GRIA4: variants seen among roughly 807,000 people sequenced by gnomAD.
GRIA4 encodes the protein glutamate ionotropic receptor AMPA type subunit 4.
Under a neutral mutation model 104.0 loss-of-function variants are expected in GRIA4, and 34 were observed. That is an observed-to-expected ratio of 0.33 (90% CI 0.25 to 0.44). The LOEUF is 0.44. GRIA4 is among the 20% of genes least tolerant of loss of function. GRIA4 has a pLI of 1.00. For missense variants in GRIA4, 750 were observed against 1,096.5 expected (o/e 0.68, Z 4.46); for synonymous variants, 386 against 381.9 (o/e 1.01, Z -0.13).
At chr11:105,642,600 C>A (rs1377420211) in intron 3 of GRIA4, among the ~76,000 whole-genome samples, 1 of 144,602 alleles carries the variant, frequency 6.9e-6, no homozygotes, top group African/African-American at 2.6e-5. Context: ...CACTCATCTA[C>A]CCACCAAAGT....
rs1946051914 is a variant in GRIA4 at position 105,881,382 on chromosome 11, G to A, written c.673-6137G>A. ...GTGCTGGCAGTTGGAAGGTGAGCAA[G>A]TATGCATTGACATGACAAGGAAACA... On this transcript the variant is annotated intron_variant, in intron 5 of 16. Coordinates refer to ENST00000282499, the MANE Select transcript of GRIA4 (RefSeq NM_000829.4). 2.6e-5 allele frequency among the ~76,000 whole-genome samples: 4 copies of A among 152,318 alleles called. No individual in the cohort carries two copies. In the South Asian group the frequency reaches 6.2e-4, roughly 24 times the overall value.
intron 10 of GRIA4, among the ~76,000 whole-genome samples, chr11:105,917,458 C>T (rs1836351606): frequency 4.6e-5 from 7 of 152,120 alleles, no homozygotes; most frequent in Admixed American, 4.6e-4. Context: ...TGTAGGTTGC[C>T]ATGTTATTCA....
intron 4 of GRIA4, among the ~76,000 whole-genome samples, chr11:105,825,565 G>A (rs948391816): frequency 1.4e-4 from 21 of 152,146 alleles, no homozygotes; most frequent in African/African-American, 4.8e-4. Flanking sequence ...AGGCTTCTAT[G>A]CCTCAGATAT....
At chr11:105,840,313 A>T (rs1188323735) in intron 4 of GRIA4, among the ~76,000 whole-genome samples, 1 of 152,192 alleles carries the variant, frequency 6.6e-6, no homozygotes, top group African/African-American at 2.4e-5. Flanking sequence ...CACTGATGCT[A>T]TATAAAATCT....
At chr11:105,667,643 T>TGTAAA in intron 3 of GRIA4, among the ~76,000 whole-genome samples, 1 of 152,096 alleles carries the variant, frequency 6.6e-6, no homozygotes, top group East Asian at 1.9e-4. Flanking sequence ...TGATCAGCAA[T>TGTAAA]TTGTGTCCCT....
At chr11:105,615,137 G>A (rs1950568985) in intron 3 of GRIA4, among the ~76,000 whole-genome samples, 1 of 151,728 alleles carries the variant, frequency 6.6e-6, no homozygotes, top group African/African-American at 2.4e-5. Flanking sequence ...CTGTGAATAA[G>A]GGCCATTAAA....
At chr11:105,975,612 A>C (rs1858940594) in intron 16 of GRIA4, among the ~76,000 whole-genome samples, 2 of 152,096 alleles carry the variant, frequency 1.3e-5, no homozygotes, top group African/African-American at 4.8e-5. Flanking sequence ...ATAATAGCTA[A>C]GTGAATAGGC....
chr11:105,898,930 G>A (rs183020347), intron 7 of GRIA4, among the ~76,000 whole-genome samples: 124 of 152,224 alleles, frequency 8.1e-4, no homozygotes, highest in Admixed American at 2.2e-3. Context: ...GAAAAAGCTG[G>A]TAAATTTCTG....
At chr11:105,761,799 GT>G (rs1351897472) in intron 4 of GRIA4, among the ~76,000 whole-genome samples, 1 of 152,054 alleles carries the variant, frequency 6.6e-6, no homozygotes, top group African/African-American at 2.4e-5. Flanking sequence ...AAGACAGGCA[GT>G]GGGTCAGATT....
chr11:105,901,564 A>T (rs1242907044), intron 7 of GRIA4, among the ~76,000 whole-genome samples: 1 of 152,186 alleles, frequency 6.6e-6, no homozygotes, highest in Non-Finnish European at 1.5e-5. Flanking sequence ...ATAGCACAAT[A>T]AGACACATAG....
At chr11:105,656,431 C>A (rs1040534836) in intron 3 of GRIA4, among the ~76,000 whole-genome samples, 4 of 152,026 alleles carry the variant, frequency 2.6e-5, no homozygotes, top group African/African-American at 9.7e-5. Flanking sequence ...TAGAAGAAAA[C>A]CTAAGCAATA....
At chr11:105,955,564 C>A (rs2136248347) in intron 14 of GRIA4, among the ~76,000 whole-genome samples, 1 of 152,238 alleles carries the variant, frequency 6.6e-6, no homozygotes, top group East Asian at 1.9e-4. Context: ...TGCTATTGTA[C>A]ACAGTGCTGC....
chr11:105,761,431 T>C (rs1940645312), intron 4 of GRIA4, among the ~76,000 whole-genome samples: 1 of 152,222 alleles, frequency 6.6e-6, no homozygotes, highest in African/African-American at 2.4e-5. Context: ...TCTATTAACA[T>C]ATTTAATTTT....
At chr11:105,844,048 T>C (rs1355436392) in intron 4 of GRIA4, among the ~76,000 whole-genome samples, 5 of 152,170 alleles carry the variant, frequency 3.3e-5, no homozygotes, top group Non-Finnish European at 7.3e-5. Flanking sequence ...ATAGTCCTGG[T>C]TTGTACCTGA....
intron 14 of GRIA4, among the ~76,000 whole-genome samples, chr11:105,965,760 T>C (rs916552082): frequency 6.6e-6 from 1 of 152,194 alleles, no homozygotes; most frequent in Non-Finnish European, 1.5e-5. Context: ...AAATACTGCA[T>C]GTTTAATACA....
intron 9 of GRIA4, among the ~76,000 whole-genome samples, chr11:105,908,618 A>G (rs1947127091): frequency 6.6e-6 from 1 of 151,888 alleles, no homozygotes; most frequent in Non-Finnish European, 1.5e-5. Flanking sequence ...TAAGGCCAAA[A>G]AAAAAAATAA....
chr11:105,673,466 G>A (rs1041074835), intron 3 of GRIA4, among the ~76,000 whole-genome samples: 2 of 152,052 alleles, frequency 1.3e-5, no homozygotes, highest in African/African-American at 2.4e-5. Flanking sequence ...TCAGTTATCC[G>A]AACTTCTAAT....
At position 105,918,813 on chromosome 11, in the gene GRIA4, T is replaced by C. The variant is rs759014319; in HGVS notation, c.1371T>C (p.His457=). 6.3e-7 allele frequency: 1 copy of C among 1,595,092 alleles called. No homozygotes were observed. The highest frequency in any genetic ancestry group is 8.6e-7 in the Non-Finnish European group (1 of 1,165,946). ...ATTTGGCATCTGAAATTGCAAAACATATTGGTATCAAGTATAAAATTGCCA... is the reference window on the plus strand; with the variant it reads ...ATTTGGCATCTGAAATTGCAAAACACATTGGTATCAAGTATAAAATTGCCA... The part of the protein sequence containing the change: ...CVDLASEIAK[H]IGIKYKIAIV... The change falls in exon 11 of 17, where the codon CAT becomes CAC. Residue 457 remains histidine (H), a synonymous_variant. Coordinates refer to ENST00000282499, the MANE Select transcript of GRIA4 (RefSeq NM_000829.4).
intron 3 of GRIA4, among the ~76,000 whole-genome samples, chr11:105,727,222 A>G (rs12291501): frequency 0.55 from 82,906 of 151,498 alleles, 22,813 homozygotes; most frequent in Admixed American, 0.62. Context: ...AACACAGCAC[A>G]AGAACTTCAT....
Sources: allele counts gnomAD v4.1 joint callset (sites outside exome capture counted in the v4.1 genomes callset), GRCh38; gene constraint gnomAD v4.1.1; transcripts MANE v1.5; gene names NCBI Gene and HGNC (gene_info 2026-07-23, HGNC 2026-07-21).